PCDH9: variants seen among roughly 807,000 people sequenced by gnomAD.
PCDH9 encodes protocadherin 9.
In PCDH9, 24 loss-of-function variants were observed where a neutral mutation model predicts 70.6. The observed-to-expected ratio is 0.34, with a 90% CI of 0.25 to 0.48. The LOEUF is 0.48. Ranked by LOEUF, PCDH9 falls within the 20% of genes least tolerant of loss-of-function variation. The pLI is 0.99. For synonymous variants in PCDH9, 562 were observed against 558.5 expected (o/e 1.01, Z -0.09); for missense variants, 1,281 against 1,503.6 (o/e 0.85, Z 2.45).
At chr13:66,939,335 T>C (rs576953158) in intron 2 of PCDH9, among the ~76,000 whole-genome samples, 5 of 152,304 alleles carry the variant, frequency 3.3e-5, no homozygotes, top group Admixed American at 3.3e-4. Flanking sequence ...GTTCTGAACA[T>C]GTGTTTACTT....
intron 3 of PCDH9, among the ~76,000 whole-genome samples, chr13:66,708,049 T>C (rs930869376): frequency 2.6e-5 from 4 of 151,400 alleles, no homozygotes; most frequent in Admixed American, 1.3e-4. Flanking sequence ...TATTTTATTT[T>C]ATTTTTTTTT....
At chr13:66,457,687 C>T (rs1958345507) in intron 4 of PCDH9, among the ~76,000 whole-genome samples, 1 of 151,886 alleles carries the variant, frequency 6.6e-6, no homozygotes, top group Admixed American at 6.6e-5. Context: ...CAGGCGATTG[C>T]AAATTACAGC....
intron 2 of PCDH9, among the ~76,000 whole-genome samples, chr13:67,033,177 T>C (rs533502245): frequency 6.6e-5 from 10 of 152,212 alleles, no homozygotes; most frequent in Non-Finnish European, 1.3e-4. Flanking sequence ...TTTTCTGTGA[T>C]TACATGCTAC....
chr13:67,162,261 CCTT>C (rs369177465), intron 2 of PCDH9, among the ~76,000 whole-genome samples: 4 of 152,124 alleles, frequency 2.6e-5, no homozygotes, highest in African/African-American at 9.7e-5. Context: ...ATGTCAATAT[CCTT>C]CTTGAATTGT....
intron 2 of PCDH9, among the ~76,000 whole-genome samples, chr13:67,114,817 A>C (rs1463744570): frequency 1.3e-5 from 2 of 152,236 alleles, no homozygotes; most frequent in African/African-American, 4.8e-5. Context: ...CTAGATAAAA[A>C]CAAAAGGAGA....
intron 3 of PCDH9, among the ~76,000 whole-genome samples, chr13:66,660,972 A>G (rs1003269458): frequency 1.3e-5 from 2 of 152,220 alleles, no homozygotes; most frequent in African/African-American, 4.8e-5. Context: ...TCTGAAATCT[A>G]AAACATAATT....
chr13:67,205,068 T>G (rs555364136), intron 2 of PCDH9: 1 of 152,284 alleles, frequency 6.6e-6, no homozygotes, highest in Admixed American at 6.5e-5. Flanking sequence ...GATAAAAACT[T>G]CCTCATATCC....
At chr13:67,215,755 T>C (rs531239305) in intron 2 of PCDH9, 9 of 152,234 alleles carry the variant, frequency 5.9e-5, no homozygotes, top group African/African-American at 2.2e-4. Flanking sequence ...TGGAAAATCT[T>C]ATATATATAA....
At chr13:67,213,307 A>G (rs918574255) in intron 2 of PCDH9, 3 of 150,132 alleles carry the variant, frequency 2.0e-5, no homozygotes, top group Non-Finnish European at 3.0e-5. Flanking sequence ...TTGAATATAC[A>G]TTTAGCAGTA....
At chr13:67,173,467 A>T (rs1159851968) in intron 2 of PCDH9, among the ~76,000 whole-genome samples, 1 of 151,992 alleles carries the variant, frequency 6.6e-6, no homozygotes, top group Non-Finnish European at 1.5e-5. Flanking sequence ...CAATATAGAG[A>T]CTTTGGCTCA....
chr13:66,394,974 CAA>C (rs1448154914), intron 4 of PCDH9, among the ~76,000 whole-genome samples: 2 of 152,124 alleles, frequency 1.3e-5, no homozygotes. Flanking sequence ...GCTGGTCTCT[CAA>C]GAGAGAAATT....
chr13:66,394,892 T>C (rs1401797231), intron 4 of PCDH9, among the ~76,000 whole-genome samples: 2 of 152,270 alleles, frequency 1.3e-5, no homozygotes, highest in Middle Eastern at 3.4e-3. Context: ...GAATATTCTA[T>C]ACTGAATGAA....
In PCDH9 at chr13:66,733,417, T is replaced by A. The variant is rs183617553; in HGVS notation, c.3139-102006A>T. On this transcript the variant is annotated intron_variant, in intron 3 of 4. Coordinates refer to ENST00000377865, the MANE Select transcript of PCDH9 (RefSeq NM_203487.3). The stretch of plus-strand genomic sequence containing the variant: ...CACCTTCCTCCACACTAATTATTTT[T>A]GATGGATAAATTTATTAATCTTTTA... 2.6e-3 allele frequency among the ~76,000 whole-genome samples: 396 copies of A among 152,278 alleles called. 2 individuals carry two copies. The highest frequency in any genetic ancestry group is 0.02 in the Middle Eastern group (6 of 294).
At position 66,865,920 on chromosome 13, in the gene PCDH9, G is replaced by A. The variant is rs117139408; in HGVS notation, c.3138+37584C>T. 5.1e-3 allele frequency among the ~76,000 whole-genome samples: 776 copies of A among 152,188 alleles called. 1 individual carries two copies. Among genetic ancestry groups the A allele is most frequent in the Non-Finnish European group, 8.6e-3 (583 of 68,000 alleles). On this transcript the variant is annotated intron_variant, in intron 3 of 4. Transcript: ENST00000377865. ...GTATATGGCCTGTGTAGAATTCAAG[G>A]CTATCCTTAAATTTCGTTGTATCAG...
chr13:66,929,051 T>C (rs1457745017), intron 2 of PCDH9, among the ~76,000 whole-genome samples: 1 of 152,148 alleles, frequency 6.6e-6, no homozygotes, highest in Non-Finnish European at 1.5e-5. Flanking sequence ...AAAATTATGC[T>C]CTTTTAAATG....
At chr13:66,536,889 T>G (rs1039915524) in intron 4 of PCDH9, among the ~76,000 whole-genome samples, 1 of 152,082 alleles carries the variant, frequency 6.6e-6, no homozygotes, top group Non-Finnish European at 1.5e-5. Flanking sequence ...TTAAAAAAAG[T>G]TGCAGAATTG....
intron 3 of PCDH9, among the ~76,000 whole-genome samples, chr13:66,681,140 A>G (rs1238829914): frequency 2.0e-5 from 3 of 152,084 alleles, no homozygotes; most frequent in African/African-American, 7.2e-5. Context: ...ATGCCCTGTA[A>G]AAACCTATCA....
intron 3 of PCDH9, among the ~76,000 whole-genome samples, chr13:66,732,518 A>G (rs1199232724): frequency 6.6e-6 from 1 of 152,026 alleles, no homozygotes; most frequent in Non-Finnish European, 1.5e-5. Context: ...AAAAAATATT[A>G]CCACCCCAAA....
At chr13:66,376,797 C>T (rs1593880075) in intron 4 of PCDH9, among the ~76,000 whole-genome samples, 1 of 152,070 alleles carries the variant, frequency 6.6e-6, no homozygotes, top group East Asian at 1.9e-4. Context: ...ATTAAGGAGA[C>T]TACTGCCAAA....
Sources: allele counts gnomAD v4.1 joint callset (sites outside exome capture counted in the v4.1 genomes callset), GRCh38; gene constraint gnomAD v4.1.1; transcripts MANE v1.5; gene names NCBI Gene and HGNC (gene_info 2026-07-23, HGNC 2026-07-21).